Variants in GNB4 observed in about 807,000 individuals in gnomAD.
GNB4 encodes the protein guanine nucleotide-binding protein subunit beta-4.
Under a neutral mutation model 45.2 loss-of-function variants are expected in GNB4, and 28 were observed. That is an observed-to-expected ratio of 0.62 (90% CI 0.46 to 0.85). GNB4 has a LOEUF of 0.85. Ranked by LOEUF, GNB4 falls within the 40% of genes least tolerant of loss-of-function variation. The pLI, the probability that GNB4 is intolerant of heterozygous loss-of-function variation, is 0.00. For missense variants in GNB4, 321 were observed against 425.4 expected (o/e 0.75, Z 2.16); for synonymous variants, 132 against 143.7 (o/e 0.92, Z 0.58).
chr3:179,403,504 A>G (rs1714368017), intron 9 of GNB4, among the ~76,000 whole-genome samples: 1 of 152,162 alleles, frequency 6.6e-6, no homozygotes, highest in South Asian at 2.1e-4. Flanking sequence ...ATATAATTAA[A>G]AAGTCAGGCC....
chr3:179,514,556 T>C, the GNB4 span, among the ~76,000 whole-genome samples: 3 of 152,206 alleles, frequency 2.0e-5, no homozygotes, highest in Non-Finnish European at 4.4e-5. Context: ...TGTACCCGTA[T>C]TTGGAGATAG....
the GNB4 span, among the ~76,000 whole-genome samples, chr3:179,519,607 C>G: frequency 0.018 from 2,671 of 152,216 alleles, 73 homozygotes; most frequent in African/African-American, 0.057. Context: ...CACCTGCCCA[C>G]CTCCCTTATT....
Position 179,401,348 on chromosome 3 carries a change from C to T in GNB4, c.917-29G>A, listed in dbSNP as rs186397073. 3,162 of 1,504,044 alleles carry T rather than the reference C, an allele frequency of 2.1e-3. 9 individuals are homozygous for T. Among genetic ancestry groups the T allele is most frequent in the Non-Finnish European group, 2.1e-3 (2,253 of 1,085,420 alleles). The allele number at this position is 1,504,044 out of a possible 1,614,324, so 93.2% of individuals were successfully genotyped here. A position where few individuals can be genotyped will look rare whatever the true frequency, so the allele number is the denominator to read the frequency against. On this transcript the variant is annotated intron_variant, in intron 9 of 9. Transcript: ENST00000232564. ...AAAAAAAAATTCAGTAAAAAATTGGCAATTGTAGGGTTTTAGAATTAAACA... is the reference window on the plus strand; with the variant it reads ...AAAAAAAAATTCAGTAAAAAATTGGTAATTGTAGGGTTTTAGAATTAAACA...
the GNB4 span, among the ~76,000 whole-genome samples, chr3:179,479,469 T>C: frequency 6.6e-6 from 1 of 152,246 alleles, no homozygotes; most frequent in Admixed American, 6.5e-5. Flanking sequence ...TGAAAACTAT[T>C]TGGGAGAAAA....
At chr3:179,472,398 G>A in the GNB4 span, among the ~76,000 whole-genome samples, 10 of 129,628 alleles carry the variant, frequency 7.7e-5, no homozygotes, top group South Asian at 4.6e-4. Context: ...AAGAGACAGG[G>A]TCTTGCTCTG....
the GNB4 span, among the ~76,000 whole-genome samples, chr3:179,484,600 T>C: frequency 2.0e-5 from 3 of 149,552 alleles, no homozygotes; most frequent in Admixed American, 6.6e-5. Context: ...GCCATTTTTT[T>C]TTTTTGCATT....
the GNB4 span, among the ~76,000 whole-genome samples, chr3:179,505,689 G>C: frequency 6.6e-6 from 1 of 152,152 alleles, no homozygotes; most frequent in African/African-American, 2.4e-5. Context: ...TGCTTCAGTA[G>C]TATGTGTCTA....
the GNB4 span, among the ~76,000 whole-genome samples, chr3:179,499,096 A>C: frequency 6.7e-6 from 1 of 149,826 alleles, no homozygotes; most frequent in Non-Finnish European, 1.5e-5. Context: ...ACATTAACTC[A>C]TCCTTTTTTA....
chr3:179,434,836 C>G (rs918136623), intron 1 of GNB4, among the ~76,000 whole-genome samples: 7 of 152,116 alleles, frequency 4.6e-5, no homozygotes, highest in Admixed American at 4.6e-4. Flanking sequence ...ATCGCTTGAA[C>G]CCAGGAGTTC....
chr3:179,405,297 A>C lies in GNB4; in HGVS notation c.809T>G (p.Ile270Ser), dbSNP rs1714431604. 1.9e-6 allele frequency: 3 copies of C among 1,614,024 alleles called. No individual in the cohort carries two copies. The highest frequency in any genetic ancestry group is 2.5e-6 in the Non-Finnish European group (3 of 1,179,934). Residue 270 changes from isoleucine to serine, a missense_variant, in exon 9 of 10, where the codon ATC (isoleucine) becomes AGC (serine). Transcript: ENST00000232564. ...ELLLYSHDNIICGITSVAFSK... is the reference protein window; with the variant it reads ...ELLLYSHDNISCGITSVAFSK... ...GAAGGCTACAGAAGTGATTCCACAG[A>C]TGATATTGTCATGAGAATACAATAA...
chr3:179,407,932 C>T (rs1211127864), intron 8 of GNB4, among the ~76,000 whole-genome samples: 1 of 152,084 alleles, frequency 6.6e-6, no homozygotes, highest in Non-Finnish European at 1.5e-5. Context: ...AAGTCTTTTG[C>T]CTCACCAGTG....
At chr3:179,477,229 C>T in the GNB4 span, among the ~76,000 whole-genome samples, 1 of 152,170 alleles carries the variant, frequency 6.6e-6, no homozygotes, top group African/African-American at 2.4e-5. Context: ...CAAGGTCAGC[C>T]TGAAGTTTTA....
chr3:179,432,242 G>T (rs545536588), intron 1 of GNB4, among the ~76,000 whole-genome samples: 1 of 152,128 alleles, frequency 6.6e-6, no homozygotes, highest in African/African-American at 2.4e-5. Context: ...CCAGACAACC[G>T]CAACCTTTCT....
chr3:179,411,086 G>T (rs750129819), intron 8 of GNB4, among the ~76,000 whole-genome samples: 1 of 152,114 alleles, frequency 6.6e-6, no homozygotes, highest in Non-Finnish European at 1.5e-5. Flanking sequence ...AACTGAATCT[G>T]GCACTGAGTT....
intron 2 of GNB4, among the ~76,000 whole-genome samples, chr3:179,424,163 G>A (rs977313853): frequency 6.6e-6 from 1 of 152,210 alleles, no homozygotes; most frequent in Admixed American, 6.5e-5. Context: ...ATCTCACTGA[G>A]CCTCAGCTTC....
intron 1 of GNB4, among the ~76,000 whole-genome samples, chr3:179,443,344 G>A (rs1407415842): frequency 1.3e-5 from 2 of 152,134 alleles, no homozygotes; most frequent in Non-Finnish European, 2.9e-5. Flanking sequence ...TTCGAGACCA[G>A]CCTGGCCAAC....
the GNB4 span, among the ~76,000 whole-genome samples, chr3:179,510,704 A>C: frequency 6.6e-6 from 1 of 152,136 alleles, no homozygotes; most frequent in African/African-American, 2.4e-5. Context: ...TCCAATGTGA[A>C]GCTTCCTGCC....
intron 6 of GNB4, among the ~76,000 whole-genome samples, chr3:179,414,403 A>C (rs1455975815): frequency 6.6e-6 from 1 of 152,182 alleles, no homozygotes; most frequent in Non-Finnish European, 1.5e-5. Context: ...AGATGGATAG[A>C]TACCAGATAA....
intron 2 of GNB4, among the ~76,000 whole-genome samples, chr3:179,422,183 C>T (rs1193346346): frequency 2.0e-5 from 3 of 151,972 alleles, no homozygotes; most frequent in East Asian, 1.9e-4. Flanking sequence ...TATTGAACTA[C>T]GCTGAAAATT....
Sources: gnomAD v4.1 joint callset for allele counts (sites outside exome capture counted in the v4.1 genomes callset) on GRCh38, gnomAD v4.1.1 for gene constraint, MANE v1.5 for transcripts, NCBI Gene and HGNC (gene_info 2026-07-23, HGNC 2026-07-21) for gene names.